The following DLGAP2 variants were observed in gnomAD, a reference collection of about 807,000 sequenced individuals.
DLGAP2 encodes disks large-associated protein 2.
In DLGAP2, 26 loss-of-function variants were observed where a neutral mutation model predicts 100.3. That is an observed-to-expected ratio of 0.26 (90% CI 0.19 to 0.36). The LOEUF is 0.36. DLGAP2 is among the 10% of genes least tolerant of loss of function. The pLI, the probability that DLGAP2 is intolerant of heterozygous loss-of-function variation, is 1.00. For synonymous variants in DLGAP2, 886 were observed against 630.1 expected (o/e 1.41, Z -6.08); for missense variants, 1,858 against 1,453.2 (o/e 1.28, Z -4.53).
intron 2 of DLGAP2, among the ~76,000 whole-genome samples, chr8:1,188,185 G>A (rs183107696): frequency 1.3e-4 from 16 of 119,412 alleles, no homozygotes; most frequent in Non-Finnish European, 2.0e-4. Flanking sequence ...TCACACGCCC[G>A]GGACCTCTGT....
At chr8:1,190,920 C>T (rs887865137) in intron 2 of DLGAP2, among the ~76,000 whole-genome samples, 3 of 152,092 alleles carry the variant, frequency 2.0e-5, no homozygotes, top group African/African-American at 7.2e-5. Flanking sequence ...CATGCTTCTC[C>T]TATGGAAGCC....
chr8:1,426,495 G>C (rs1797239731), intron 3 of DLGAP2, among the ~76,000 whole-genome samples: 1 of 152,218 alleles, frequency 6.6e-6, no homozygotes. Flanking sequence ...GAGGTCGACA[G>C]AAAAGTTGTA....
intron 3 of DLGAP2, among the ~76,000 whole-genome samples, chr8:1,367,035 C>G (rs1239711847): frequency 6.6e-6 from 1 of 152,288 alleles, no homozygotes; most frequent in African/African-American, 2.4e-5. Context: ...CTCCAACACA[C>G]ACACATGTGA....
chr8:1,135,536 C>G (rs986042214), intron 2 of DLGAP2, among the ~76,000 whole-genome samples: 32 of 76,146 alleles, frequency 4.2e-4, no homozygotes, highest in African/African-American at 1.4e-3. Flanking sequence ...TTGTCCATAT[C>G]TTAAGAAGCG....
chr8:1,514,063 C>A (rs1800273970), intron 4 of DLGAP2, among the ~76,000 whole-genome samples: 1 of 152,198 alleles, frequency 6.6e-6, no homozygotes, highest in South Asian at 2.1e-4. Context: ...CTTCTGAGCG[C>A]CCACCACTCT....
intron 3 of DLGAP2, among the ~76,000 whole-genome samples, chr8:1,389,879 A>G (rs73528882): frequency 0.016 from 2,445 of 152,118 alleles, 58 homozygotes; most frequent in African/African-American, 0.055. Flanking sequence ...GGAAGACAAC[A>G]GTGATTGCTG....
chr8:940,361 AGAGAGAGAGAGGGAGAGG>A (rs1799167160), intron 2 of DLGAP2, among the ~76,000 whole-genome samples: 1 of 151,968 alleles, frequency 6.6e-6, no homozygotes, highest in African/African-American at 2.4e-5. Context: ...ACAGAGAGAG[AGAGAGAGAGAGGGAGAGG>A]GAGAGAGAGA....
intron 3 of DLGAP2, among the ~76,000 whole-genome samples, chr8:1,343,389 C>A (rs1055307045): frequency 6.6e-6 from 1 of 152,098 alleles, no homozygotes; most frequent in African/African-American, 2.4e-5. Context: ...TGCCCACGAG[C>A]CTGTGTCCTG....
At chr8:1,444,918 G>T (rs775185201) in intron 3 of DLGAP2, among the ~76,000 whole-genome samples, 4 of 150,964 alleles carry the variant, frequency 2.6e-5, no homozygotes, top group Admixed American at 6.6e-5. Flanking sequence ...GATTATAGGC[G>T]TGTGCCCCAT....
chr8:1,315,483 C>G (rs1159519043), intron 3 of DLGAP2, among the ~76,000 whole-genome samples: 9 of 142,832 alleles, frequency 6.3e-5, no homozygotes, highest in African/African-American at 2.8e-5. Context: ...AACTCGGCAG[C>G]TTTTAAAAAT....
At chr8:994,095 C>T (rs372609501) in intron 2 of DLGAP2, among the ~76,000 whole-genome samples, 9 of 152,198 alleles carry the variant, frequency 5.9e-5, no homozygotes, top group African/African-American at 1.2e-4. Context: ...CTGGTGTTTT[C>T]GTATTAGAAA....
At position 1,160,171 on chromosome 8, in the gene DLGAP2, G is replaced by A. The variant is rs560251289; in HGVS notation, c.74-98680G>A. The stretch of plus-strand genomic sequence containing the variant: ...GCACTATTTGGCAATGTAAAACTGA[G>A]GCTGCTACTTAGAAGTAGTCAGTTC... On this transcript the variant is annotated intron_variant, in intron 2 of 14. Transcript: ENST00000637795. Among the ~76,000 whole-genome samples the A allele has an allele frequency of 4.6e-5, 7 of 152,292 alleles. No homozygotes were observed. The East Asian group carries it at 1.4e-3, about 29-fold the overall frequency.
chr8:1,597,443 G>A (rs10780154), intron 6 of DLGAP2, among the ~76,000 whole-genome samples: 110,001 of 151,752 alleles, frequency 0.72, 40,271 homozygotes, highest in East Asian at 0.92. Context: ...CATGGAATCT[G>A]TAAATTACTT....
intron 3 of DLGAP2, among the ~76,000 whole-genome samples, chr8:1,361,419 T>C (rs1175433618): frequency 7.2e-5 from 11 of 152,240 alleles, no homozygotes; most frequent in African/African-American, 2.7e-4. Flanking sequence ...CAGAAATCTA[T>C]GTGTTGCCTT....
At chr8:1,381,724 C>A (rs1796098481) in intron 3 of DLGAP2, among the ~76,000 whole-genome samples, 1 of 151,910 alleles carries the variant, frequency 6.6e-6, no homozygotes, top group African/African-American at 2.4e-5. Flanking sequence ...TCCTCCAGCT[C>A]CATCGCGTTG....
chr8:1,339,154 G>A (rs918923909), intron 3 of DLGAP2, among the ~76,000 whole-genome samples: 13 of 147,492 alleles, frequency 8.8e-5, no homozygotes, highest in South Asian at 2.2e-4. Flanking sequence ...ATCAGGACCC[G>A]GGAGGGAAGG....
chr8:1,695,592 T>A (rs368098073), intron 13 of DLGAP2, among the ~76,000 whole-genome samples: 109 of 99,428 alleles, frequency 1.1e-3, no homozygotes, highest in Middle Eastern at 0.015. Flanking sequence ...GGGCACAGCC[T>A]TGCCCGGCCC....
At chr8:1,440,922 A>G (rs890371817) in intron 3 of DLGAP2, among the ~76,000 whole-genome samples, 9 of 152,240 alleles carry the variant, frequency 5.9e-5, no homozygotes, top group Admixed American at 3.9e-4. Context: ...GTCTTCTGAA[A>G]TATCTTTTAT....
chr8:1,238,475 ACCATGTCTGCTTCTCTCACATGGCG>A (rs1798713587), intron 2 of DLGAP2, among the ~76,000 whole-genome samples: 1 of 111,700 alleles, frequency 9.0e-6, no homozygotes, highest in Admixed American at 8.9e-5. Context: ...CTCACATGGC[ACCATGTCTGCTTCTCTCACATGGCG>A]CCGTGTCTAG....
Sources: gnomAD v4.1 joint callset for allele counts (sites outside exome capture counted in the v4.1 genomes callset) on GRCh38, gnomAD v4.1.1 for gene constraint, MANE v1.5 for transcripts, NCBI Gene and HGNC (gene_info 2026-07-23, HGNC 2026-07-21) for gene names.